Variants in RASSF5 observed in about 807,000 individuals in gnomAD.
RASSF5 encodes Ras association domain family member 5, also known as ras association domain-containing protein 5.
Under a neutral mutation model 40.5 loss-of-function variants are expected in RASSF5, and 25 were observed. The observed-to-expected ratio is 0.62, with a 90% CI of 0.45 to 0.86. RASSF5 has a LOEUF of 0.86. Among genes scored for constraint, RASSF5 ranks in the 40% least tolerant of loss-of-function variants. The pLI is 0.00. For synonymous variants in RASSF5, 246 were observed against 252.4 expected (o/e 0.97, Z 0.24); for missense variants, 521 against 572.8 (o/e 0.91, Z 0.92).
chr1:206,523,411 ATATATTATATAT>A (rs1372524373), intron 1 of RASSF5, among the ~76,000 whole-genome samples: 1 of 42,002 alleles, frequency 2.4e-5, no homozygotes, highest in African/African-American at 5.8e-5. Context: ...TATAAATATT[ATATATTATATAT>A]TATATAATAT....
intron 2 of RASSF5, among the ~76,000 whole-genome samples, chr1:206,546,087 C>CT (rs1667678821): frequency 1.1e-4 from 3 of 26,448 alleles, no homozygotes; most frequent in African/African-American, 1.5e-4. Context: ...TCTTCTTTTT[C>CT]TATTTTTTTT....
intron 1 of RASSF5, among the ~76,000 whole-genome samples, chr1:206,523,454 T>A (rs1313302557): frequency 8.7e-6 from 1 of 114,582 alleles, no homozygotes; most frequent in Non-Finnish European, 1.7e-5. Flanking sequence ...TAATATATAA[T>A]ATATTAAATA....
intron 2 of RASSF5, among the ~76,000 whole-genome samples, chr1:206,538,906 A>G (rs1667480823): frequency 6.6e-6 from 1 of 152,164 alleles, no homozygotes; most frequent in African/African-American, 2.4e-5. Context: ...CATGGGTGAG[A>G]GTTGGGGTAA....
intron 2 of RASSF5, among the ~76,000 whole-genome samples, chr1:206,558,119 G>T (rs550568903): frequency 1.3e-4 from 20 of 152,326 alleles, no homozygotes; most frequent in African/African-American, 4.6e-4. Flanking sequence ...CACATTCATC[G>T]GTTGGGACTT....
At chr1:206,512,165 C>T (rs908204573) in intron 1 of RASSF5, among the ~76,000 whole-genome samples, 1 of 152,068 alleles carries the variant, frequency 6.6e-6, no homozygotes, top group Non-Finnish European at 1.5e-5. Flanking sequence ...GAGAATCCCC[C>T]ACTCCCAAGC....
intron 2 of RASSF5, among the ~76,000 whole-genome samples, chr1:206,574,855 T>C (rs1200216746): frequency 3.0e-5 from 2 of 66,632 alleles, no homozygotes; most frequent in Non-Finnish European, 5.7e-5. Context: ...ACCAATGACT[T>C]TTTTTTTTTT....
intron 2 of RASSF5, among the ~76,000 whole-genome samples, chr1:206,547,260 C>T (rs1002230016): frequency 6.6e-6 from 1 of 152,238 alleles, no homozygotes; most frequent in Admixed American, 6.5e-5. Flanking sequence ...GGGCCACACA[C>T]ATGGCCTTTT....
intron 2 of RASSF5, chr1:206,571,152 C>T (rs542326704): frequency 6.6e-6 from 1 of 152,276 alleles, no homozygotes; most frequent in African/African-American, 2.4e-5. Flanking sequence ...GAAATGGTAT[C>T]TCACTGTGGT....
chr1:206,556,408 A>G (rs1373599065), intron 2 of RASSF5, among the ~76,000 whole-genome samples: 1 of 152,220 alleles, frequency 6.6e-6, no homozygotes, highest in South Asian at 2.1e-4. Context: ...TAGAACTGCT[A>G]TTGATCTATT....
chr1:206,534,781 G>A (rs1346989246), intron 1 of RASSF5, among the ~76,000 whole-genome samples: 3 of 152,116 alleles, frequency 2.0e-5, no homozygotes, highest in South Asian at 2.1e-4. Context: ...CCTCACCCTC[G>A]GGCTAGCACA....
intron 1 of RASSF5, among the ~76,000 whole-genome samples, chr1:206,519,681 C>T (rs1553395833): frequency 6.6e-6 from 1 of 152,180 alleles, no homozygotes; most frequent in Admixed American, 6.5e-5. Context: ...CAGGTCACCA[C>T]ACTAAGTCAT....
intron 2 of RASSF5, among the ~76,000 whole-genome samples, chr1:206,559,455 G>A (rs1668079700): frequency 6.6e-6 from 1 of 152,182 alleles, no homozygotes. Flanking sequence ...GGGTTGGTGT[G>A]GGGGATGGCT....
In RASSF5 at chr1:206,535,678, T is replaced by G. The variant is rs191047955; in HGVS notation, c.458-2494T>G. Among the ~76,000 whole-genome samples the G allele has an allele frequency of 1.7e-3, 251 of 151,332 alleles. No individual in the cohort carries two copies. Among genetic ancestry groups the G allele is most frequent in the South Asian group, 4.4e-3 (21 of 4,728 alleles). ...GTTGTCCAGCTCAGCATGGTGATGTTTTCAGGGTGTGTGTGTGTGTGTGTC... is the reference window on the plus strand; with the variant it reads ...GTTGTCCAGCTCAGCATGGTGATGTGTTCAGGGTGTGTGTGTGTGTGTGTC... On this transcript the variant is annotated intron_variant, in intron 1 of 5. Coordinates refer to ENST00000579436, the MANE Select transcript of RASSF5 (RefSeq NM_182663.4). This position sits in a 1 kb window ranked among gnomAD's most constrained non-coding sequence, Gnocchi z 5.0.
At chr1:206,578,659 G>A (rs781821733) in intron 2 of RASSF5, among the ~76,000 whole-genome samples, 1 of 152,138 alleles carries the variant, frequency 6.6e-6, no homozygotes, top group African/African-American at 2.4e-5. Context: ...AAGTAGGCAC[G>A]GATGTATATA....
chr1:206,566,700 A>G (rs1668297827), intron 2 of RASSF5, among the ~76,000 whole-genome samples: 3 of 152,198 alleles, frequency 2.0e-5, no homozygotes, highest in Admixed American at 2.0e-4. Flanking sequence ...GCGTGGGTTC[A>G]GGAGGAGAAT....
intron 1 of RASSF5, among the ~76,000 whole-genome samples, chr1:206,523,021 T>C (rs2103508580): frequency 6.6e-6 from 1 of 152,106 alleles, no homozygotes; most frequent in South Asian, 2.1e-4. Context: ...TAAAAAAATA[T>C]ATTCCAGGCG....
At chr1:206,558,949 T>A (rs1553402217) in intron 2 of RASSF5, among the ~76,000 whole-genome samples, 1 of 152,148 alleles carries the variant, frequency 6.6e-6, no homozygotes, top group African/African-American at 2.4e-5. Context: ...CCCGTGGGGT[T>A]CTTGCCGCGT....
chr1:206,557,419 G>A, intron 2 of RASSF5: 1 of 1,409,442 alleles, frequency 7.1e-7, no homozygotes, highest in East Asian at 2.7e-5. Context: ...CGCCGGCTCT[G>A]CCTGGTCCGC....
intron 2 of RASSF5, among the ~76,000 whole-genome samples, chr1:206,563,477 T>A (rs1668203780): frequency 6.6e-6 from 1 of 152,150 alleles, no homozygotes; most frequent in Admixed American, 6.5e-5. Flanking sequence ...GGACGGGTGC[T>A]TTTCCTCACT....
Sources: gnomAD v4.1 joint callset for allele counts (sites outside exome capture counted in the v4.1 genomes callset) on GRCh38, gnomAD v4.1.1 for gene constraint, Gnocchi (gnomAD v3.1) non-coding constraint, MANE v1.5 for transcripts, NCBI Gene and HGNC (gene_info 2026-07-23, HGNC 2026-07-21) for gene names.